The following ZFAT variants were observed in gnomAD, a reference collection of about 807,000 sequenced individuals.
ZFAT encodes zinc finger protein ZFAT.
Under a neutral mutation model 117.7 loss-of-function variants are expected in ZFAT, and 64 were observed. The observed-to-expected ratio is 0.54, with a 90% CI of 0.44 to 0.67. The LOEUF is 0.67. Among genes scored for constraint, ZFAT ranks in the 30% least tolerant of loss-of-function variants. The pLI, the probability that ZFAT is intolerant of heterozygous loss-of-function variation, is 0.00. For missense variants in ZFAT, 1,433 were observed against 1,584.5 expected, an observed-to-expected ratio of 0.90 and a Z score of 1.62; for synonymous variants, 679 against 615.0, an observed-to-expected ratio of 1.10 and a Z score of -1.54.
In ZFAT at chr8:134,572,803, G is replaced by GA. The variant is rs11347412; in HGVS notation, c.2888-7383dup. On this transcript the variant is annotated intron_variant, in intron 10 of 15. Coordinates refer to ENST00000377838, the MANE Select transcript of ZFAT (RefSeq NM_020863.4). ...ACTGCAAGAATATTGCCACGGTGGG[G>GA]AAAAAAAAAAAAGCTGACTGTGGGA... 3.4e-3 allele frequency among the ~76,000 whole-genome samples: 502 copies of GA among 145,616 alleles called. 3 individuals are homozygous for GA. The highest frequency in any genetic ancestry group is 8.4e-3 in the African/African-American group (339 of 40,394).
chr8:134,549,702 C>G (rs1195909536), intron 11 of ZFAT, among the ~76,000 whole-genome samples: 3 of 152,176 alleles, frequency 2.0e-5, no homozygotes, highest in African/African-American at 7.2e-5. Flanking sequence ...AAGGAAAATT[C>G]CTAAAGAACA....
At chr8:134,646,894 G>A (rs566673534) in intron 2 of ZFAT, among the ~76,000 whole-genome samples, 1 of 152,278 alleles carries the variant, frequency 6.6e-6, no homozygotes, top group South Asian at 2.1e-4. Flanking sequence ...TTAGGAGACT[G>A]AATCAGTAAT....
At chr8:134,622,068 T>A (rs910663728) in intron 3 of ZFAT, among the ~76,000 whole-genome samples, 2 of 152,358 alleles carry the variant, frequency 1.3e-5, no homozygotes, top group Admixed American at 6.5e-5. Context: ...CACAGTAGGC[T>A]TTCAGGAAAC....
chr8:134,552,602 G>A (rs1434847532), intron 11 of ZFAT, among the ~76,000 whole-genome samples: 1 of 152,190 alleles, frequency 6.6e-6, no homozygotes, highest in Admixed American at 6.5e-5. Flanking sequence ...TTTTCAAGAT[G>A]ATGGCGTGGA....
rs1403027968 is a variant in ZFAT at position 134,653,284 on chromosome 8, AAAAAAAAC to A, written c.196+4269_196+4276del. ...AATGTCTTTTTTAAAAAAAAAAAAA[AAAAAAAAC>A]AAAAAACAGGGTCTCACTCTATCAC... On this transcript the variant is annotated intron_variant, in intron 2 of 15. Coordinates refer to ENST00000377838, the MANE Select transcript of ZFAT (RefSeq NM_020863.4). 2.4e-3 allele frequency among the ~76,000 whole-genome samples: 279 copies of A among 116,408 alleles called. 1 individual carries two copies. Among genetic ancestry groups the A allele is most frequent in the African/African-American group, 9.4e-3 (262 of 27,970 alleles). The allele number at this position is 116,408 out of a possible 152,430, so 76.4% of individuals were successfully genotyped here.
At chr8:134,593,705 T>G (rs1826696233) in intron 7 of ZFAT, among the ~76,000 whole-genome samples, 1 of 152,234 alleles carries the variant, frequency 6.6e-6, no homozygotes, top group African/African-American at 2.4e-5. Flanking sequence ...GGTCTATGCC[T>G]TAGCGGCAAG....
the ZFAT span, among the ~76,000 whole-genome samples, chr8:134,738,839 A>G: frequency 6.6e-6 from 1 of 152,172 alleles, no homozygotes; most frequent in Non-Finnish European, 1.5e-5. Context: ...ATAATAAATA[A>G]CAGAAGCCCA....
At chr8:134,692,535 C>T (rs746604957) in intron 1 of ZFAT, among the ~76,000 whole-genome samples, 5 of 152,172 alleles carry the variant, frequency 3.3e-5, no homozygotes, top group Non-Finnish European at 7.3e-5. Context: ...CAAAAAGAAG[C>T]GAAACTCAGT....
At chr8:134,526,662 T>C (rs1427603749) in intron 12 of ZFAT, among the ~76,000 whole-genome samples, 2 of 152,214 alleles carry the variant, frequency 1.3e-5, no homozygotes, top group African/African-American at 4.8e-5. Context: ...CTTGACGTTA[T>C]TGAAAATTCA....
chr8:134,622,630 C>T (rs1054709281), intron 3 of ZFAT, among the ~76,000 whole-genome samples: 1 of 152,084 alleles, frequency 6.6e-6, no homozygotes, highest in Non-Finnish European at 1.5e-5. Flanking sequence ...CCTTCCACGT[C>T]GCCCCTCCCC....
the ZFAT span, among the ~76,000 whole-genome samples, chr8:134,772,764 T>C: frequency 6.6e-6 from 1 of 152,096 alleles, no homozygotes; most frequent in Non-Finnish European, 1.5e-5. Flanking sequence ...AATGCCTGGC[T>C]TCAAAGCTTC....
the ZFAT span, chr8:134,765,273 G>A: frequency 1.4e-4 from 21 of 152,162 alleles, no homozygotes; most frequent in African/African-American, 5.1e-4. Flanking sequence ...CCATCATCTT[G>A]GCTTCTGGGG....
chr8:134,680,749 T>C lies in ZFAT; in HGVS notation c.20-23012A>G, dbSNP rs369358266. On this transcript the variant is annotated intron_variant, in intron 1 of 15. Coordinates refer to ENST00000377838, the MANE Select transcript of ZFAT (RefSeq NM_020863.4). ...AAAAAAAAGTTCTAGAGATCAAGGA[T>C]GGTGATGGTTACATAATACTAACGT... 2.6e-4 allele frequency among the ~76,000 whole-genome samples: 39 copies of C among 152,312 alleles called. 1 individual carries two copies. The highest frequency in any genetic ancestry group is 9.4e-4 in the African/African-American group (39 of 41,570).
chr8:134,764,761 C>G, the ZFAT span: 1 of 152,176 alleles, frequency 6.6e-6, no homozygotes, highest in Admixed American at 6.5e-5. Context: ...TTTTTATCAC[C>G]AGGCACTATG....
chr8:134,806,781 T>C, the ZFAT span, among the ~76,000 whole-genome samples: 1 of 152,200 alleles, frequency 6.6e-6, no homozygotes, highest in Non-Finnish European at 1.5e-5. Context: ...AACATGAAAA[T>C]TAAATGTACA....
Position 134,668,129 on chromosome 8 carries a change from C to T in ZFAT, c.20-10392G>A, listed in dbSNP as rs564168776. On this transcript the variant is annotated intron_variant, in intron 1 of 15. Transcript: ENST00000377838. Reference sequence around the variant, plus strand: ...GCCAGGAAACTCGAACTGGGTGGAGCCCACCACAGCTCAAGGAGGCCTGCC... The same window carrying T: ...GCCAGGAAACTCGAACTGGGTGGAGTCCACCACAGCTCAAGGAGGCCTGCC... Among the ~76,000 whole-genome samples the T allele has an allele frequency of 1.3e-4, 20 of 152,298 alleles. No individual in the cohort carries two copies. The South Asian group carries it at 3.9e-3, about 30-fold the overall frequency.
chr8:134,711,856 G>C (rs189935461), intron 1 of ZFAT, among the ~76,000 whole-genome samples: 16 of 152,228 alleles, frequency 1.1e-4, no homozygotes, highest in Non-Finnish European at 1.3e-4. Flanking sequence ...GTGTCCCTGG[G>C]GGTTAGAGGT....
intron 1 of ZFAT, among the ~76,000 whole-genome samples, chr8:134,685,155 C>T (rs1833259916): frequency 6.6e-6 from 1 of 152,118 alleles, no homozygotes; most frequent in African/African-American, 2.4e-5. Flanking sequence ...TGGTGTCATC[C>T]CCATCACCAC....
chr8:134,617,253 A>G (rs372793533), intron 3 of ZFAT, among the ~76,000 whole-genome samples: 1 of 152,292 alleles, frequency 6.6e-6, no homozygotes, highest in South Asian at 2.1e-4. Flanking sequence ...AGCAGGGACT[A>G]TGGCTCTGCA....
Sources: gnomAD v4.1 joint callset for allele counts (sites outside exome capture counted in the v4.1 genomes callset) on GRCh38, gnomAD v4.1.1 for gene constraint, MANE v1.5 for transcripts, NCBI Gene and HGNC (gene_info 2026-07-23, HGNC 2026-07-21) for gene names.